ARHGEF12: variants seen among roughly 807,000 people sequenced by gnomAD.
The protein encoded by ARHGEF12 is Rho guanine nucleotide exchange factor 12.
Under a neutral mutation model 211.2 loss-of-function variants are expected in ARHGEF12, and 66 were observed. The ratio of observed to expected loss-of-function variants is 0.31; its 90% CI spans 0.26 to 0.38. The LOEUF (loss-of-function observed/expected upper bound fraction) is 0.38. Among genes scored for constraint, ARHGEF12 ranks in the 10% least tolerant of loss-of-function variants. ARHGEF12 has a pLI of 1.00. For synonymous variants in ARHGEF12, 592 were observed against 638.4 expected (o/e 0.93, Z 1.09); for missense variants, 1,429 against 1,869.5 (o/e 0.76, Z 4.34).
At chr11:120,458,570 G>A (rs920421115) in intron 25 of ARHGEF12, 11 of 265,308 alleles carry the variant, frequency 4.1e-5, no homozygotes, top group East Asian at 2.6e-4. Flanking sequence ...GATTGAATTC[G>A]TTAAGATCAT....
At chr11:120,339,293 C>T (rs1942458051) in intron 1 of ARHGEF12, among the ~76,000 whole-genome samples, 1 of 151,868 alleles carries the variant, frequency 6.6e-6, no homozygotes, top group Non-Finnish European at 1.5e-5. Flanking sequence ...ATAAAGCATC[C>T]ATTTGCTGTT....
chr11:120,474,539 T>C, intron 31 of ARHGEF12, 21 bp from the exon 32 acceptor site: 1 of 1,585,992 alleles, frequency 6.3e-7, no homozygotes, highest in Non-Finnish European at 8.6e-7. Flanking sequence ...TATTTGTGCA[T>C]GATTTTCTTT....
chr11:120,432,908 G>T (rs1440184474), intron 11 of ARHGEF12, among the ~76,000 whole-genome samples: 2 of 152,082 alleles, frequency 1.3e-5, no homozygotes, highest in South Asian at 2.1e-4. Flanking sequence ...GGATTTGTGG[G>T]TTTTTTGTTT....
chr11:120,354,899 C>T (rs940138816), intron 1 of ARHGEF12, among the ~76,000 whole-genome samples: 3 of 152,176 alleles, frequency 2.0e-5, no homozygotes. Flanking sequence ...TACAGACATC[C>T]GCTATGCTGA....
In ARHGEF12 at chr11:120,447,920, T is replaced by A. The variant is rs780593750; in HGVS notation, c.1622+14T>A. On this transcript the variant is annotated intron_variant, in intron 19 of 40. Coordinates refer to ENST00000397843, the MANE Select transcript of ARHGEF12 (RefSeq NM_015313.3). Reference sequence around the variant, plus strand: ...GGAAGATAAGAGGTAACATAACTGTTTTTTTTCCCCTAGAATTTTAAGAAA... The same window carrying A: ...GGAAGATAAGAGGTAACATAACTGTATTTTTTCCCCTAGAATTTTAAGAAA... 1.9e-6 allele frequency: 3 copies of A among 1,554,328 alleles called. No individual in the cohort carries two copies. Among genetic ancestry groups the A allele is most frequent in the Non-Finnish European group, 1.7e-6 (2 of 1,154,792 alleles).
At position 120,485,730 on chromosome 11, in the gene ARHGEF12, G is replaced by A. The variant is rs935808617; in HGVS notation, c.*653G>A. ...TGCCGTGTGGCTCTTATGTGCCCAGGTGGTGTGGTCAGAGAGTGGATGGGC... is the reference window on the plus strand; with the variant it reads ...TGCCGTGTGGCTCTTATGTGCCCAGATGGTGTGGTCAGAGAGTGGATGGGC... On this transcript the variant is annotated 3_prime_UTR_variant, in exon 41 of 41. Transcript: ENST00000397843. 4 of 233,668 alleles carry A rather than the reference G, an allele frequency of 1.7e-5. No individual in the cohort carries two copies. Among genetic ancestry groups the A allele is most frequent in the Non-Finnish European group, 2.5e-5 (3 of 118,110 alleles). 14.5% of individuals were successfully genotyped at this position (233,668 alleles called of 1,614,324 possible). A position where few individuals can be genotyped will look rare whatever the true frequency, so the allele number is the denominator to read the frequency against.
intron 4 of ARHGEF12, among the ~76,000 whole-genome samples, chr11:120,413,482 T>C (rs1944944821): frequency 6.6e-6 from 1 of 152,188 alleles, no homozygotes; most frequent in African/African-American, 2.4e-5. Flanking sequence ...GTAGAGAAAA[T>C]TGATGGAATA....
intron 4 of ARHGEF12, among the ~76,000 whole-genome samples, chr11:120,419,537 T>G (rs965141679): frequency 2.6e-5 from 4 of 151,786 alleles, no homozygotes; most frequent in Non-Finnish European, 4.4e-5. Context: ...AGGTCATGAG[T>G]TCAAGGGTTA....
chr11:120,377,532 G>A (rs1472131342), intron 1 of ARHGEF12, among the ~76,000 whole-genome samples: 2 of 151,950 alleles, frequency 1.3e-5, no homozygotes, highest in Admixed American at 6.6e-5. Flanking sequence ...TTGTAGAGAT[G>A]GGGTCTTTCT....
intron 1 of ARHGEF12, among the ~76,000 whole-genome samples, chr11:120,379,725 A>G (rs1943826915): frequency 6.6e-6 from 1 of 151,908 alleles, no homozygotes; most frequent in African/African-American, 2.4e-5. Flanking sequence ...TAGACTGGTG[A>G]TACAGTGAAT....
intron 15 of ARHGEF12, among the ~76,000 whole-genome samples, chr11:120,442,412 T>TTATATATA (rs753610695): frequency 8.3e-5 from 12 of 145,154 alleles, no homozygotes; most frequent in South Asian, 2.4e-4. Context: ...TTTTAGGGGA[T>TTATATATA]TATATATATA....
chr11:120,427,634 G>A (rs1215407783), intron 7 of ARHGEF12, among the ~76,000 whole-genome samples: 1 of 150,484 alleles, frequency 6.6e-6, no homozygotes, highest in Non-Finnish European at 1.5e-5. Context: ...ATCGTGCCGC[G>A]GCACTCCAGC....
chr11:120,482,840 G>T (rs1947289181), intron 39 of ARHGEF12, among the ~76,000 whole-genome samples: 1 of 152,162 alleles, frequency 6.6e-6, no homozygotes, highest in Non-Finnish European at 1.5e-5. Flanking sequence ...TTGAGGGGTA[G>T]ATTTAAGTAT....
chr11:120,352,535 T>C (rs1184974683), intron 1 of ARHGEF12, among the ~76,000 whole-genome samples: 3 of 152,228 alleles, frequency 2.0e-5, no homozygotes, highest in Non-Finnish European at 4.4e-5. Context: ...AGTTTATATT[T>C]TCTGCCATTT....
rs1323303283 is a variant in ARHGEF12, at chr11:120,407,748, A to G, written c.67A>G (p.Ile23Val). Residue 23 changes from isoleucine (I) to valine (V), a missense_variant, in exon 3 of 41, where the codon ATT (isoleucine) becomes GTT (valine). Physicochemically the swap from Ile to Val is conservative, Grantham distance 29. Coordinates refer to ENST00000397843, the MANE Select transcript of ARHGEF12 (RefSeq NM_015313.3). The part of the protein sequence containing the change: ...PLKKPIRHGS[I>V]LNRESPTDKK... ...TTTGCTTTAATTTAGGCATGGAAGT[A>G]TTTTGAACCGAGAGTCACCAACAGA... is the stretch of plus-strand genomic sequence containing the variant. 3 of 1,613,288 alleles carry G rather than the reference A, an allele frequency of 1.9e-6. No homozygotes were observed. In the African/African-American group the frequency reaches 4.0e-5, roughly 22 times the overall value.
intron 39 of ARHGEF12, among the ~76,000 whole-genome samples, chr11:120,481,942 A>G (rs1031053037): frequency 2.0e-5 from 3 of 151,642 alleles, no homozygotes; most frequent in African/African-American, 4.8e-5. Flanking sequence ...TGTATTTTTA[A>G]TAGAGACGGG....
At chr11:120,406,028 C>A in intron 1 of ARHGEF12, 90 bp from the exon 2 acceptor site, 1 of 984,794 alleles carries the variant, frequency 1.0e-6, no homozygotes, top group South Asian at 1.5e-5. Context: ...ATTTAAATCT[C>A]TTATTCTGGT....
intron 1 of ARHGEF12, among the ~76,000 whole-genome samples, chr11:120,362,040 A>G (rs1051231695): frequency 2.0e-5 from 3 of 152,236 alleles, no homozygotes; most frequent in African/African-American, 7.2e-5. Context: ...AACAAAAGGC[A>G]TGTGAATGAT....
chr11:120,454,365 AG>A (rs969217390), intron 22 of ARHGEF12, among the ~76,000 whole-genome samples: 1 of 152,242 alleles, frequency 6.6e-6, no homozygotes, highest in African/African-American at 2.4e-5. Context: ...CAAGAACTTA[AG>A]AAAATACTTC....
Sources: allele counts gnomAD v4.1 joint callset (sites outside exome capture counted in the v4.1 genomes callset), GRCh38; gene constraint gnomAD v4.1.1; transcripts MANE v1.5; gene names NCBI Gene and HGNC (gene_info 2026-07-23, HGNC 2026-07-21).